TSPAN12: variants seen among roughly 807,000 people sequenced by gnomAD.
The protein encoded by TSPAN12 is tetraspanin 12, also known as tetraspanin-12.
In TSPAN12, 19 loss-of-function variants were observed where a neutral mutation model predicts 39.2. The observed-to-expected ratio is 0.49, with a 90% confidence interval of 0.34 to 0.71. The LOEUF is 0.71. TSPAN12 is among the 30% of genes least tolerant of loss of function. The pLI is 0.01. For missense variants in TSPAN12, 314 were observed against 359.9 expected (o/e 0.87, Z 1.03); for synonymous variants, 119 against 124.8 (o/e 0.95, Z 0.31).
chr7:120,794,306 A>G (rs1328624262), intron 7 of TSPAN12, among the ~76,000 whole-genome samples: 2 of 152,200 alleles, frequency 1.3e-5, no homozygotes, highest in African/African-American at 4.8e-5. Flanking sequence ...TGATATAATT[A>G]GTACATTTGT....
intron 2 of TSPAN12, among the ~76,000 whole-genome samples, chr7:120,851,808 G>C (rs945545029): frequency 6.6e-6 from 1 of 152,128 alleles, no homozygotes; most frequent in Non-Finnish European, 1.5e-5. Flanking sequence ...TCTCCTATGT[G>C]CTCCTTCCCA....
intron 4 of TSPAN12, among the ~76,000 whole-genome samples, chr7:120,822,229 T>A (rs1794201067): frequency 1.3e-5 from 2 of 152,086 alleles, no homozygotes; most frequent in African/African-American, 4.8e-5. Flanking sequence ...ACTTTTAAAG[T>A]TATTTAACAT....
intron 4 of TSPAN12, among the ~76,000 whole-genome samples, chr7:120,831,785 AT>A (rs1235973504): frequency 6.6e-6 from 1 of 152,054 alleles, no homozygotes; most frequent in Non-Finnish European, 1.5e-5. Flanking sequence ...GATAAGTTGT[AT>A]ATTTCAAAAT....
intron 2 of TSPAN12, among the ~76,000 whole-genome samples, chr7:120,854,086 T>C (rs1364133821): frequency 6.6e-6 from 1 of 152,046 alleles, no homozygotes; most frequent in Non-Finnish European, 1.5e-5. Flanking sequence ...TCACTGGTAG[T>C]AGGGTAGGTA....
chr7:120,840,590 T>C (rs971155313), intron 2 of TSPAN12, among the ~76,000 whole-genome samples: 1 of 152,212 alleles, frequency 6.6e-6, no homozygotes, highest in African/African-American at 2.4e-5. Flanking sequence ...TTAAATGTAA[T>C]CCTTTGATTC....
At chr7:120,813,498 A>G (rs144472052) in intron 5 of TSPAN12, among the ~76,000 whole-genome samples, 11 of 152,354 alleles carry the variant, frequency 7.2e-5, no homozygotes, top group African/African-American at 2.6e-4. Context: ...GAATTACTTT[A>G]AAATCAAAAC....
At chr7:120,816,855 C>T (rs745535869) in intron 4 of TSPAN12, among the ~76,000 whole-genome samples, 1 of 151,972 alleles carries the variant, frequency 6.6e-6, no homozygotes, top group Non-Finnish European at 1.5e-5. Context: ...AGGCATGAAG[C>T]GAGCAGCTGA....
At chr7:120,814,262 A>C in intron 5 of TSPAN12, 1 of 456,656 alleles carries the variant, frequency 2.2e-6, no homozygotes, top group Non-Finnish European at 4.4e-6. Flanking sequence ...AACAAAGACA[A>C]TATAATCTTT....
At chr7:120,805,132 C>T (rs2116343102) in intron 7 of TSPAN12, among the ~76,000 whole-genome samples, 1 of 152,168 alleles carries the variant, frequency 6.6e-6, no homozygotes, top group Middle Eastern at 3.4e-3. Flanking sequence ...TTGGCACTCT[C>T]CTTTGGGGCA....
chr7:120,829,239 T>C (rs1794344880), intron 4 of TSPAN12, among the ~76,000 whole-genome samples: 1 of 152,086 alleles, frequency 6.6e-6, no homozygotes, highest in African/African-American at 2.4e-5. Context: ...ACCTTTTCTC[T>C]GAAAAAAGGA....
intron 7 of TSPAN12, among the ~76,000 whole-genome samples, chr7:120,803,097 A>T (rs1449065194): frequency 2.0e-5 from 3 of 152,190 alleles, no homozygotes; most frequent in Non-Finnish European, 4.4e-5. Flanking sequence ...ACTACCAATG[A>T]CATGGTTATC....
chr7:120,824,623 G>C (rs1794250526), intron 4 of TSPAN12, among the ~76,000 whole-genome samples: 1 of 152,074 alleles, frequency 6.6e-6, no homozygotes, highest in African/African-American at 2.4e-5. Context: ...GAATGAAAAA[G>C]TAAATTTTTT....
chr7:120,803,357 A>G (rs1218416418), intron 7 of TSPAN12, among the ~76,000 whole-genome samples: 4 of 152,028 alleles, frequency 2.6e-5, no homozygotes, highest in Non-Finnish European at 5.9e-5. Context: ...AAACATCCCA[A>G]ATACCTCCAG....
At chr7:120,795,159 A>G (rs889384040) in intron 7 of TSPAN12, among the ~76,000 whole-genome samples, 5 of 152,246 alleles carry the variant, frequency 3.3e-5, no homozygotes, top group African/African-American at 4.8e-5. Flanking sequence ...AATAGGAAAG[A>G]ACTGAAGTGT....
intron 1 of TSPAN12, chr7:120,857,312 A>G (rs1463422329): frequency 5.4e-6 from 1 of 183,804 alleles, no homozygotes; most frequent in African/African-American, 2.4e-5. Flanking sequence ...GGGCACTCCA[A>G]CTCCGCACCC....
At chr7:120,808,131 T>C (rs907366684) in intron 6 of TSPAN12, among the ~76,000 whole-genome samples, 9 of 152,146 alleles carry the variant, frequency 5.9e-5, no homozygotes, top group Non-Finnish European at 1.2e-4. Flanking sequence ...CTTTCTGTGT[T>C]GATGACAGAA....
intron 5 of TSPAN12, chr7:120,814,051 A>G (rs1372704779): frequency 2.7e-6 from 1 of 364,766 alleles, no homozygotes; most frequent in African/African-American, 2.1e-5. Flanking sequence ...ACAGAGATAC[A>G]TATGTGTGAG....
chr7:120,818,047 G>C (rs966606045), intron 4 of TSPAN12, among the ~76,000 whole-genome samples: 5 of 152,088 alleles, frequency 3.3e-5, no homozygotes, highest in African/African-American at 7.2e-5. Context: ...TTTAAAATGA[G>C]TCAGCACAGA....
chr7:120,828,482 C>T (rs1393463976), intron 4 of TSPAN12, among the ~76,000 whole-genome samples: 1 of 152,084 alleles, frequency 6.6e-6, no homozygotes, highest in African/African-American at 2.4e-5. Flanking sequence ...TTGTTCCTTC[C>T]ACCAGCCTTT....
Sources: allele counts gnomAD v4.1 joint callset (sites outside exome capture counted in the v4.1 genomes callset), GRCh38; gene constraint gnomAD v4.1.1; transcripts MANE v1.5; gene names NCBI Gene and HGNC (gene_info 2026-07-23, HGNC 2026-07-21).